Variants in TMEM192 observed in about 807,000 individuals in gnomAD.
The protein encoded by TMEM192 is transmembrane protein 192.
Under a neutral mutation model 26.7 loss-of-function variants are expected in TMEM192, and 20 were observed. The observed-to-expected ratio is 0.75, with a 90% CI of 0.53 to 1.09. The LOEUF (loss-of-function observed/expected upper bound fraction) is 1.09. Ranked by LOEUF, TMEM192 falls within the 50% of genes least tolerant of loss-of-function variation. The probability of loss-of-function intolerance (pLI) is 0.00; values close to 1 mark genes in which losing one functional copy is unlikely to be tolerated. For synonymous variants in TMEM192, 124 were observed against 121.0 expected (o/e 1.02, Z -0.16); for missense variants, 304 against 322.6 (o/e 0.94, Z 0.44).
Position 165,076,699 on chromosome 4 carries a change from C to G in TMEM192, c.*2959G>C, listed in dbSNP as rs925945801. On this transcript the variant is annotated 3_prime_UTR_variant, in exon 6 of 6. Coordinates refer to ENST00000306480, the MANE Select transcript of TMEM192 (RefSeq NM_001100389.2). ...CTCGCTCTCTTTAGAATGTAAGCTGCCAACCAGAGTCTTTAATTTTTGTAT... is the reference window on the plus strand; with the variant it reads ...CTCGCTCTCTTTAGAATGTAAGCTGGCAACCAGAGTCTTTAATTTTTGTAT... 2.0e-5 allele frequency: 3 copies of G among 152,206 alleles called. No homozygotes were observed. Among genetic ancestry groups the G allele is most frequent in the African/African-American group, 4.8e-5 (2 of 41,452 alleles). 9.4% of individuals were successfully genotyped at this position (152,206 alleles called of 1,614,324 possible). A position where few individuals can be genotyped will look rare whatever the true frequency, so the allele number is the denominator to read the frequency against.
chr4:165,079,555 C>G lies in TMEM192; in HGVS notation c.*103G>C. 1 of 1,341,694 alleles carries G rather than the reference C, an allele frequency of 7.5e-7. No homozygotes were observed. The highest frequency in any genetic ancestry group is 1.0e-6 in the Non-Finnish European group (1 of 997,734). 83.1% of individuals were successfully genotyped at this position (1,341,694 alleles called of 1,614,324 possible). A position where few individuals can be genotyped will look rare whatever the true frequency, so the allele number is the denominator to read the frequency against. On this transcript the variant is annotated 3_prime_UTR_variant, in exon 6 of 6. Coordinates refer to ENST00000306480, the MANE Select transcript of TMEM192 (RefSeq NM_001100389.2). ...GGTTTCCAACAAACACTGTAAAATG[C>G]TATTCAGCAAAAGCTGCAGTTCCCC... is the stretch of plus-strand genomic sequence containing the variant.
At chr4:165,094,181 G>T (rs931546208) in intron 3 of TMEM192, among the ~76,000 whole-genome samples, 3 of 152,130 alleles carry the variant, frequency 2.0e-5, no homozygotes, top group African/African-American at 7.2e-5. Context: ...GATTACAGGC[G>T]TGAGCCACAG....
Position 165,107,347 on chromosome 4 carries a change from CA to C in TMEM192, c.28-4252del, listed in dbSNP as rs11402173. On this transcript the variant is annotated intron_variant, in intron 1 of 5. Transcript: ENST00000306480. ...TTTTTTTTTAAAACAAAAACAAAAA[CA>C]AAAAAAAAAACAGGGTCTCACTCTG... Among the ~76,000 whole-genome samples the C allele has an allele frequency of 7.5e-4, 106 of 141,338 alleles. 1 individual carries two copies. The highest frequency in any genetic ancestry group is 2.2e-3 in the African/African-American group (85 of 38,354). The allele number at this position is 141,338 out of a possible 152,430, so 92.7% of individuals were successfully genotyped here. A position where few individuals can be genotyped will look rare whatever the true frequency, so the allele number is the denominator to read the frequency against.
chr4:165,105,126 T>A (rs1046476886), intron 1 of TMEM192, among the ~76,000 whole-genome samples: 3 of 152,210 alleles, frequency 2.0e-5, no homozygotes, highest in Admixed American at 2.0e-4. Context: ...TATCCTGTGA[T>A]GGTCTCTTAC....
chr4:165,097,758 GCACAGGC>G (rs1734947577), intron 3 of TMEM192, among the ~76,000 whole-genome samples: 1 of 151,034 alleles, frequency 6.6e-6, no homozygotes, highest in African/African-American at 2.4e-5. Context: ...AGGACTACAG[GCACAGGC>G]TACCACACAT....
At chr4:165,084,753 A>G (rs1734571530) in intron 5 of TMEM192, among the ~76,000 whole-genome samples, 1 of 151,304 alleles carries the variant, frequency 6.6e-6, no homozygotes, top group African/African-American at 2.4e-5. Context: ...TACTAAAAAT[A>G]CAAAAATTAG....
chr4:165,076,884 C>G lies in TMEM192; in HGVS notation c.*2774G>C, dbSNP rs1244544181. On this transcript the variant is annotated 3_prime_UTR_variant, in exon 6 of 6. Coordinates refer to ENST00000306480, the MANE Select transcript of TMEM192 (RefSeq NM_001100389.2). ...TGGTGCAATTTCAGCTCACTGCAACCTCTGCCTCCTGTGTTCAAGCGATTC... is the reference window on the plus strand; with the variant it reads ...TGGTGCAATTTCAGCTCACTGCAACGTCTGCCTCCTGTGTTCAAGCGATTC... The G allele has an allele frequency of 6.6e-6, 1 of 152,256 alleles. No homozygotes were observed. Among genetic ancestry groups the G allele is most frequent in the Non-Finnish European group, 1.5e-5 (1 of 68,122 alleles). The allele number at this position is 152,256 out of a possible 1,614,324, so 9.4% of individuals were successfully genotyped here.
intron 5 of TMEM192, among the ~76,000 whole-genome samples, chr4:165,084,968 T>C (rs902782477): frequency 6.6e-5 from 10 of 150,512 alleles, no homozygotes; most frequent in African/African-American, 2.2e-4. Flanking sequence ...ACAGAGAGAC[T>C]CTATCCCTTA....
chr4:165,102,845 T>C, intron 2 of TMEM192, 105 bp downstream of exon 2: 2 of 943,198 alleles, frequency 2.1e-6, no homozygotes, highest in Non-Finnish European at 2.9e-6. Context: ...ACATGTGCCC[T>C]ACATTTTAAA....
Position 165,112,852 on chromosome 4 carries a change from C to T in TMEM192, c.-79G>A. The T allele has an allele frequency of 7.1e-6, 11 of 1,553,940 alleles. No individual in the cohort carries two copies. Among genetic ancestry groups the T allele is most frequent in the East Asian group, 2.4e-5 (1 of 41,898 alleles). On this transcript the variant is annotated 5_prime_UTR_variant, in exon 1 of 6. Coordinates refer to ENST00000306480, the MANE Select transcript of TMEM192 (RefSeq NM_001100389.2). Reference sequence around the variant, plus strand: ...TGTAAGCCTCTGGCCGCGAAACTCGCCACCTTCTGGGACCTGCCAGGCCCC... The same window carrying T: ...TGTAAGCCTCTGGCCGCGAAACTCGTCACCTTCTGGGACCTGCCAGGCCCC...
intron 4 of TMEM192, 38 bp downstream of exon 4, chr4:165,088,430 C>A: frequency 6.3e-7 from 1 of 1,586,510 alleles, no homozygotes; most frequent in South Asian, 1.1e-5. Flanking sequence ...GGAAGCAGTT[C>A]GAAGTTCCTA....
In TMEM192 at chr4:165,085,618, G is replaced by T. The variant is rs1418553192; in HGVS notation, c.645C>A (p.Tyr215Ter). The part of the protein sequence containing the change: ...DILEEEKIYA[Y>*]PSNITSETGF... ...CAGTCTCCGAGGTAATATTGCTGGG[G>T]TAAGCATAGATTTTTTCTTCTTCAA... The change falls in exon 5 of 6, where the codon TAC becomes TAA. Residue 215 changes from tyrosine to a stop codon, truncating the protein, a stop_gained. Transcript: ENST00000306480. LOFTEE classifies it low-confidence loss of function (END_TRUNC). 6.2e-7 allele frequency: 1 copy of T among 1,612,550 alleles called. No individual in the cohort carries two copies. Among genetic ancestry groups the T allele is most frequent in the Non-Finnish European group, 8.5e-7 (1 of 1,179,466 alleles).
chr4:165,090,534 A>G (rs897957514), intron 3 of TMEM192, among the ~76,000 whole-genome samples: 17 of 152,104 alleles, frequency 1.1e-4, no homozygotes, highest in Non-Finnish European at 1.8e-4. Flanking sequence ...CTGTTCATCT[A>G]TCTCCTTTAC....
chr4:165,110,836 A>G (rs1410478323), intron 1 of TMEM192, among the ~76,000 whole-genome samples: 1 of 152,246 alleles, frequency 6.6e-6, no homozygotes, highest in Non-Finnish European at 1.5e-5. Flanking sequence ...TACTCACCCT[A>G]TAGCCTTTCG....
At chr4:165,104,620 C>T (rs549234348) in intron 1 of TMEM192, among the ~76,000 whole-genome samples, 2 of 152,116 alleles carry the variant, frequency 1.3e-5, no homozygotes, top group African/African-American at 4.8e-5. Context: ...AACTTCTGCC[C>T]CCTGGGTTCA....
chr4:165,101,281 G>C (rs1735034473), intron 2 of TMEM192, among the ~76,000 whole-genome samples: 1 of 152,066 alleles, frequency 6.6e-6, no homozygotes, highest in African/African-American at 2.4e-5. Context: ...CGGCTTCCCA[G>C]CATACATTCT....
chr4:165,075,091 G>T lies in TMEM192; in HGVS notation c.*4567C>A, dbSNP rs1308209375. 2.0e-5 allele frequency: 3 copies of T among 152,070 alleles called. No homozygotes were observed. Among genetic ancestry groups the T allele is most frequent in the African/African-American group, 7.2e-5 (3 of 41,402 alleles). The allele number at this position is 152,070 out of a possible 1,614,324, so 9.4% of individuals were successfully genotyped here. On this transcript the variant is annotated 3_prime_UTR_variant, in exon 6 of 6. Transcript: ENST00000306480. ...AAGGTAACACCCACTATTGGTAAGGGTATGGAGACCAGGTGAGCTGGCTCA... is the reference window on the plus strand; with the variant it reads ...AAGGTAACACCCACTATTGGTAAGGTTATGGAGACCAGGTGAGCTGGCTCA...
At chr4:165,111,134 C>G (rs2110806487) in intron 1 of TMEM192, among the ~76,000 whole-genome samples, 1 of 152,284 alleles carries the variant, frequency 6.6e-6, no homozygotes, top group Admixed American at 6.5e-5. Context: ...CTCTGTCGCT[C>G]TGTTGCCCCG....
At chr4:165,105,443 C>A (rs1735141271) in intron 1 of TMEM192, among the ~76,000 whole-genome samples, 2 of 152,132 alleles carry the variant, frequency 1.3e-5, no homozygotes. Flanking sequence ...AGTTTTACCG[C>A]TTTCTAGCTG....
Sources: allele counts gnomAD v4.1 joint callset (sites outside exome capture counted in the v4.1 genomes callset), GRCh38; gene constraint gnomAD v4.1.1; transcripts MANE v1.5; gene names NCBI Gene and HGNC (gene_info 2026-07-23, HGNC 2026-07-21).